Variants in RELN observed in about 807,000 individuals in gnomAD.
The protein encoded by RELN is reelin.
Under a neutral mutation model 427.6 loss-of-function variants are expected in RELN, and 108 were observed. The ratio of observed to expected loss-of-function variants is 0.25; its 90% CI spans 0.22 to 0.30. The LOEUF (loss-of-function observed/expected upper bound fraction) is 0.30, where lower values mean the gene tolerates loss of function less well. Ranked by LOEUF, RELN falls within the 10% of genes least tolerant of loss-of-function variation. The pLI is 1.00. For missense variants in RELN, 3,715 were observed against 4,302.8 expected, an observed-to-expected ratio of 0.86 and a Z score of 3.82; for synonymous variants, 1,524 against 1,513.4, an observed-to-expected ratio of 1.01 and a Z score of -0.16.
At chr7:103,511,034 C>T (rs1562862628) in intron 50 of RELN, 29 bp from the exon 51 acceptor site, 2 of 1,586,334 alleles carry the variant, frequency 1.3e-6, no homozygotes, top group East Asian at 2.2e-5. Context: ...AATTTTATGA[C>T]AAATTTGTGA....
chr7:103,580,069 T>C (rs1831095942), intron 28 of RELN, among the ~76,000 whole-genome samples: 1 of 152,208 alleles, frequency 6.6e-6, no homozygotes, highest in Non-Finnish European at 1.5e-5. Flanking sequence ...CCCGGTGAAT[T>C]AATATGAGCA....
At chr7:103,483,001 T>C (rs1828296267) in intron 62 of RELN, 30 bp from the exon 63 acceptor site, 2 of 1,586,864 alleles carry the variant, frequency 1.3e-6, no homozygotes, top group East Asian at 4.5e-5. Flanking sequence ...ACAAAGAAGT[T>C]ATACATTAGG....
chr7:103,686,271 T>A (rs1326551871), intron 10 of RELN, among the ~76,000 whole-genome samples: 1 of 152,122 alleles, frequency 6.6e-6, no homozygotes, highest in Admixed American at 6.6e-5. Context: ...TAAGGAGTTG[T>A]CACTCAGCCC....
intron 1 of RELN, among the ~76,000 whole-genome samples, chr7:103,948,545 C>T (rs559247578): frequency 2.3e-4 from 35 of 152,138 alleles, no homozygotes; most frequent in African/African-American, 5.5e-4. Context: ...TGGTGGCACA[C>T]GCCTGCAGTC....
intron 3 of RELN, among the ~76,000 whole-genome samples, chr7:103,801,431 G>A (rs1792462923): frequency 6.6e-6 from 1 of 152,084 alleles, no homozygotes; most frequent in African/African-American, 2.4e-5. Context: ...TCGTTTGCAG[G>A]GACATGGATG....
intron 31 of RELN, among the ~76,000 whole-genome samples, chr7:103,570,229 T>C (rs1432137371): frequency 6.6e-6 from 1 of 152,220 alleles, no homozygotes; most frequent in Admixed American, 6.5e-5. Flanking sequence ...AGAAGTTCAA[T>C]ACAGAGCAAA....
At chr7:103,788,170 G>A (rs545454547) in intron 3 of RELN, among the ~76,000 whole-genome samples, 5 of 152,216 alleles carry the variant, frequency 3.3e-5, no homozygotes, top group Admixed American at 1.3e-4. Flanking sequence ...AATAAACTAG[G>A]TATTGATGGA....
At chr7:103,768,802 A>G (rs1326619967) in intron 4 of RELN, among the ~76,000 whole-genome samples, 2 of 152,182 alleles carry the variant, frequency 1.3e-5, no homozygotes, top group African/African-American at 4.8e-5. Context: ...ACCATATAGG[A>G]GGAGACATAG....
At chr7:103,955,910 C>A (rs1314696428) in intron 1 of RELN, among the ~76,000 whole-genome samples, 1 of 152,174 alleles carries the variant, frequency 6.6e-6, no homozygotes, top group East Asian at 1.9e-4. Context: ...ACTCTCAGCT[C>A]CTAAGGTATG....
intron 42 of RELN, 43 bp from the exon 43 acceptor site, chr7:103,542,921 T>C: frequency 1.3e-6 from 2 of 1,587,162 alleles, no homozygotes; most frequent in East Asian, 2.2e-5. Flanking sequence ...ACCCCAACTA[T>C]AGTGAGTTGT....
At chr7:103,952,707 T>C (rs934143922) in intron 1 of RELN, among the ~76,000 whole-genome samples, 1 of 152,216 alleles carries the variant, frequency 6.6e-6, no homozygotes, top group Non-Finnish European at 1.5e-5. Context: ...TAAAGCATTA[T>C]GGAGGTGCAC....
intron 44 of RELN, among the ~76,000 whole-genome samples, chr7:103,539,776 T>C (rs1425159297): frequency 6.6e-6 from 1 of 152,226 alleles, no homozygotes; most frequent in Non-Finnish European, 1.5e-5. Flanking sequence ...TAAAGATCCT[T>C]TGGAGCAGTC....
intron 37 of RELN, among the ~76,000 whole-genome samples, chr7:103,557,743 G>A (rs1245488320): frequency 6.6e-6 from 1 of 152,132 alleles, no homozygotes; most frequent in South Asian, 2.1e-4. Context: ...GAACTAATAT[G>A]ATTACAGCTA....
intron 36 of RELN, among the ~76,000 whole-genome samples, chr7:103,558,717 T>C (rs1830578024): frequency 6.6e-6 from 1 of 152,194 alleles, no homozygotes; most frequent in Non-Finnish European, 1.5e-5. Flanking sequence ...ACTCGAAAGG[T>C]TCTTTTCTTC....
intron 8 of RELN, among the ~76,000 whole-genome samples, chr7:103,702,135 C>A (rs1834106249): frequency 6.6e-6 from 1 of 152,212 alleles, no homozygotes; most frequent in Non-Finnish European, 1.5e-5. Context: ...CAACCCTGAT[C>A]TCAAATGGAA....
intron 20 of RELN, among the ~76,000 whole-genome samples, chr7:103,628,946 A>G (rs890261096): frequency 6.6e-6 from 1 of 152,050 alleles, no homozygotes; most frequent in African/African-American, 2.4e-5. Flanking sequence ...TTTCCTTGAC[A>G]CTCACTACTT....
At position 103,523,299 on chromosome 7, in the gene RELN, T is replaced by C. The variant is rs1829751310; in HGVS notation, c.7490+92A>G. The C allele has an allele frequency of 3.6e-6, 5 of 1,401,498 alleles. No homozygotes were observed. The Admixed American group carries it at 8.5e-5, about 24-fold the overall frequency. The allele number at this position is 1,401,498 out of a possible 1,614,324, so 86.8% of individuals were successfully genotyped here. ...AAAAAATGTATAACTTAAGGAAGCATGGGAGTGATTCAAAAACCAGTTACA... is the reference window on the plus strand; with the variant it reads ...AAAAAATGTATAACTTAAGGAAGCACGGGAGTGATTCAAAAACCAGTTACA... On this transcript the variant is annotated intron_variant, in intron 47 of 64. Transcript: ENST00000428762.
In RELN at chr7:103,497,897, C is replaced by T. The variant is rs771909658; in HGVS notation, c.8873G>A (p.Ser2958Asn). The T allele has an allele frequency of 6.2e-7, 1 of 1,614,150 alleles. No homozygotes were observed. The highest frequency in any genetic ancestry group is 8.5e-7 in the Non-Finnish European group (1 of 1,180,014). The change falls in exon 55 of 65, where the codon AGT becomes AAT. Residue 2958 changes from serine (S) to asparagine (N), a missense_variant. Ser to Asn is a conservative substitution (Grantham distance 46, BLOSUM62 1). Transcript: ENST00000428762. ...KFLQYWGRIG[S>N]ENNMTSCHRP... Reference sequence around the variant, plus strand: ...ATGGCAAGAGGTCATGTTGTTCTCACTACCGATGCGCCCCCAGTATTGCAG... The same window carrying T: ...ATGGCAAGAGGTCATGTTGTTCTCATTACCGATGCGCCCCCAGTATTGCAG...
At chr7:103,883,214 AG>A (rs1794647055) in intron 2 of RELN, among the ~76,000 whole-genome samples, 6 of 152,218 alleles carry the variant, frequency 3.9e-5, no homozygotes, top group African/African-American at 1.2e-4. Context: ...GGTGCAGAAA[AG>A]GCCTTTGACA....
Sources: gnomAD v4.1 joint callset for allele counts (sites outside exome capture counted in the v4.1 genomes callset) on GRCh38, gnomAD v4.1.1 for gene constraint, MANE v1.5 for transcripts, NCBI Gene and HGNC (gene_info 2026-07-23, HGNC 2026-07-21) for gene names.